KIAA1217: variants seen among roughly 807,000 people sequenced by gnomAD.
The protein encoded by KIAA1217 is sickle tail protein homolog.
A neutral mutation model predicts 163.9 loss-of-function variants in KIAA1217; 88 were observed. The observed-to-expected ratio is 0.54, with a 90% CI of 0.45 to 0.64. The LOEUF (loss-of-function observed/expected upper bound fraction) is 0.64, where lower values mean the gene tolerates loss of function less well. KIAA1217 is among the 30% of genes least tolerant of loss of function. KIAA1217 has a pLI of 0.00. For missense variants in KIAA1217, 2,372 were observed against 2,475.0 expected, an observed-to-expected ratio of 0.96 and a Z score of 0.88; for synonymous variants, 903 against 923.1, an observed-to-expected ratio of 0.98 and a Z score of 0.39.
chr10:24,251,162 G>T (rs2074460954), intron 2 of KIAA1217, among the ~76,000 whole-genome samples: 1 of 151,556 alleles, frequency 6.6e-6, no homozygotes, highest in Middle Eastern at 3.2e-3. Flanking sequence ...GGAGGCGGAG[G>T]TTGCAGTGAG....
intron 20 of KIAA1217, chr10:24,545,544 G>A (rs1026795253): frequency 7.5e-6 from 10 of 1,327,428 alleles, no homozygotes; most frequent in Non-Finnish European, 8.6e-6. Flanking sequence ...TTATCCAGAC[G>A]CATGGCCCAC....
intron 1 of KIAA1217, among the ~76,000 whole-genome samples, chr10:23,969,215 T>C (rs1845199162): frequency 6.6e-6 from 1 of 152,196 alleles, no homozygotes; most frequent in Non-Finnish European, 1.5e-5. Flanking sequence ...TTTGTATTTT[T>C]AGTAGAGACG....
At chr10:23,967,211 C>T (rs1359394550) in intron 1 of KIAA1217, among the ~76,000 whole-genome samples, 3 of 151,816 alleles carry the variant, frequency 2.0e-5, no homozygotes, top group Admixed American at 6.6e-5. Context: ...CTTTACCCAT[C>T]GAAATTAAAT....
chr10:24,009,148 A>T (rs1847138495), intron 2 of KIAA1217, among the ~76,000 whole-genome samples: 3 of 152,208 alleles, frequency 2.0e-5, no homozygotes, highest in Admixed American at 6.5e-5. Context: ...AATTTTAAAG[A>T]ATAAAATAAA....
chr10:24,276,608 C>T (rs1306137568), intron 2 of KIAA1217, among the ~76,000 whole-genome samples: 1 of 138,112 alleles, frequency 7.2e-6, no homozygotes, highest in African/African-American at 2.8e-5. Flanking sequence ...TCAAGTCCAG[C>T]TTTTTTTTTT....
rs564039759 is a variant in KIAA1217, at chr10:24,124,874, A to G, written c.-170-94752A>G. Among the ~76,000 whole-genome samples the G allele has an allele frequency of 1.1e-4, 16 of 152,340 alleles. No homozygotes were observed. The East Asian group carries it at 2.9e-3, about 28-fold the overall frequency. ...CATAAATGAGACTTACTCATTTTAT[A>G]TTAACTTTATTCTGCCTCATAGGAT... On this transcript the variant is annotated intron_variant, in intron 2 of 18. Coordinates refer to the KIAA1217 transcript ENST00000376462.
At chr10:24,075,931 T>C (rs7090699) in intron 2 of KIAA1217, among the ~76,000 whole-genome samples, 24,066 of 152,144 alleles carry the variant, frequency 0.16, 3,892 homozygotes, top group African/African-American at 0.42. Context: ...TGCTTATCAA[T>C]GAACCTTAAT....
At chr10:24,351,429 A>C (rs970620400) in intron 2 of KIAA1217, among the ~76,000 whole-genome samples, 3 of 152,148 alleles carry the variant, frequency 2.0e-5, no homozygotes, top group African/African-American at 7.2e-5. Context: ...GTCAGTGTTC[A>C]TGCGTGTCCT....
At chr10:24,078,625 A>G (rs2061442294) in intron 2 of KIAA1217, among the ~76,000 whole-genome samples, 2 of 152,116 alleles carry the variant, frequency 1.3e-5, no homozygotes, top group South Asian at 4.2e-4. Context: ...CTCTTATACA[A>G]TGAAGGGGCG....
At chr10:23,715,438 C>A (rs180758165) in intron 1 of KIAA1217, among the ~76,000 whole-genome samples, 23 of 152,078 alleles carry the variant, frequency 1.5e-4, no homozygotes, top group African/African-American at 5.3e-4. Context: ...TTCTGAGGAG[C>A]TTGAGATTCC....
chr10:24,498,548 C>T (rs1255475572), intron 8 of KIAA1217, among the ~76,000 whole-genome samples: 1 of 152,094 alleles, frequency 6.6e-6, no homozygotes, highest in South Asian at 2.1e-4. Flanking sequence ...TGTGGCTTGG[C>T]ATGGTGACCC....
At chr10:24,094,114 T>C (rs1414566537) in intron 2 of KIAA1217, among the ~76,000 whole-genome samples, 2 of 152,082 alleles carry the variant, frequency 1.3e-5, no homozygotes, top group African/African-American at 4.8e-5. Context: ...TAAACATACG[T>C]GTGCATGTGT....
At chr10:24,445,110 A>G (rs1482467132) in intron 5 of KIAA1217, among the ~76,000 whole-genome samples, 2 of 152,206 alleles carry the variant, frequency 1.3e-5, no homozygotes, top group Non-Finnish European at 2.9e-5. Flanking sequence ...AGTACTTTAC[A>G]TATTATTTAA....
At chr10:24,300,412 T>G (rs894592232) in intron 2 of KIAA1217, among the ~76,000 whole-genome samples, 1 of 152,084 alleles carries the variant, frequency 6.6e-6, no homozygotes, top group Admixed American at 6.5e-5. Flanking sequence ...GTCACAGGTG[T>G]TCCAGAGATT....
chr10:24,066,925 T>A (rs1012907942), intron 2 of KIAA1217, among the ~76,000 whole-genome samples: 3 of 152,234 alleles, frequency 2.0e-5, no homozygotes, highest in Non-Finnish European at 4.4e-5. Flanking sequence ...TTTCTTCCAG[T>A]TGATTGCATC....
At chr10:23,824,658 A>ATAT (rs1379535101) in intron 1 of KIAA1217, among the ~76,000 whole-genome samples, 1,764 of 52,872 alleles carry the variant, frequency 0.033, 30 homozygotes, top group Non-Finnish European at 0.046. Flanking sequence ...AAATAAAAAA[A>ATAT]ATATATATAT....
At chr10:23,830,302 G>A (rs766879608) in intron 1 of KIAA1217, among the ~76,000 whole-genome samples, 4 of 152,094 alleles carry the variant, frequency 2.6e-5, no homozygotes, top group South Asian at 2.1e-4. Context: ...ACAGTCCTTC[G>A]TTGACAGTGA....
intron 5 of KIAA1217, among the ~76,000 whole-genome samples, chr10:24,471,030 C>T (rs931237219): frequency 6.6e-6 from 1 of 152,162 alleles, no homozygotes; most frequent in Non-Finnish European, 1.5e-5. Flanking sequence ...TAACCCCAGG[C>T]ACTTACCAAG....
chr10:23,964,790 C>A (rs972729265), intron 1 of KIAA1217, among the ~76,000 whole-genome samples: 3 of 151,882 alleles, frequency 2.0e-5, no homozygotes, highest in Non-Finnish European at 4.4e-5. Flanking sequence ...CTCTTGACTT[C>A]GTGATCTGCC....
Sources: allele counts gnomAD v4.1 joint callset (sites outside exome capture counted in the v4.1 genomes callset), GRCh38; gene constraint gnomAD v4.1.1; transcripts MANE v1.5; gene names NCBI Gene and HGNC (gene_info 2026-07-23, HGNC 2026-07-21).